The following MGST2 variants were observed in gnomAD, a reference collection of about 807,000 sequenced individuals.
MGST2 encodes microsomal glutathione S-transferase 2.
Under a neutral mutation model 16.6 loss-of-function variants are expected in MGST2, and 9 were observed. The observed-to-expected ratio is 0.54, with a 90% confidence interval of 0.33 to 0.95. The LOEUF is 0.95. Ranked by LOEUF, MGST2 falls within the 40% of genes least tolerant of loss-of-function variation. The probability of loss-of-function intolerance (pLI) is 0.03; values close to 1 mark genes in which losing one functional copy is unlikely to be tolerated. For synonymous variants in MGST2, 79 were observed against 68.0 expected (o/e 1.16, Z -0.79); for missense variants, 159 against 175.1 (o/e 0.91, Z 0.52).
chr4:139,701,626 C>T (rs1327985669), intron 3 of MGST2, among the ~76,000 whole-genome samples: 1 of 152,034 alleles, frequency 6.6e-6, no homozygotes, highest in Admixed American at 6.5e-5. Context: ...GAGCTTGTAT[C>T]TTTTTCACTG....
At chr4:139,717,037 G>A (rs948338942) in intron 5 of MGST2, 1 of 152,280 alleles carries the variant, frequency 6.6e-6, no homozygotes. Flanking sequence ...TAAACAAACA[G>A]TATATATATA....
Position 139,695,224 on chromosome 4 carries a change from A to G in MGST2, c.186A>G (p.Ile62Met). 6.2e-7 allele frequency: 1 copy of G among 1,613,336 alleles called. No individual in the cohort carries two copies. Among genetic ancestry groups the G allele is most frequent in the Non-Finnish European group, 8.5e-7 (1 of 1,179,262 alleles). Reference protein sequence around the residue: ...AQQNCVEFYPIFIITLWMAGW... With the variant: ...AQQNCVEFYPMFIITLWMAGW... Reference sequence around the variant, plus strand: ...AAAACTGTGTGGAGTTTTATCCTATATTCATAATTACATTGTGGATGGCTG... The same window carrying G: ...AAAACTGTGTGGAGTTTTATCCTATGTTCATAATTACATTGTGGATGGCTG... The change falls in exon 3 of 5, where the codon ATA (isoleucine) becomes ATG (methionine). Residue 62 changes from isoleucine to methionine, a missense_variant. Physicochemically the swap from Ile to Met is conservative, Grantham distance 10. Transcript: ENST00000265498.
chr4:139,685,984 C>T (rs1286388976), intron 2 of MGST2, among the ~76,000 whole-genome samples: 1 of 152,190 alleles, frequency 6.6e-6, no homozygotes, highest in Admixed American at 6.5e-5. Flanking sequence ...TATTCTGAGC[C>T]AAATATGAGT....
At chr4:139,705,835 G>C (rs1727499460), downstream of MGST2, 1 of 152,114 alleles carries the variant, frequency 6.6e-6, no homozygotes, top group Admixed American at 6.5e-5. Context: ...CCCCAAAGCT[G>C]TTCTGACCCT....
chr4:139,671,615 C>A (rs1730698715), intron 1 of MGST2, among the ~76,000 whole-genome samples: 1 of 151,868 alleles, frequency 6.6e-6, no homozygotes, highest in Admixed American at 6.6e-5. Flanking sequence ...TACAGGTGCG[C>A]CACCATGCCC....
intron 1 of MGST2, among the ~76,000 whole-genome samples, chr4:139,674,742 C>T (rs915395700): frequency 2.6e-5 from 4 of 152,138 alleles, no homozygotes; most frequent in African/African-American, 9.7e-5. Context: ...GATCATGCCA[C>T]TGCACTCCAG....
intron 5 of MGST2, among the ~76,000 whole-genome samples, chr4:139,732,109 G>C (rs1333620086): frequency 6.6e-6 from 1 of 152,192 alleles, no homozygotes; most frequent in Non-Finnish European, 1.5e-5. Flanking sequence ...TAAATAGCAA[G>C]AAGCAAATGT....
At chr4:139,730,662 C>G in intron 5 of MGST2, 1 of 1,611,436 alleles carries the variant, frequency 6.2e-7, no homozygotes, top group South Asian at 1.1e-5. Flanking sequence ...CAACTGGATG[C>G]TGCTCCTGGG....
At chr4:139,675,979 A>G (rs1730938443) in intron 1 of MGST2, among the ~76,000 whole-genome samples, 1 of 152,142 alleles carries the variant, frequency 6.6e-6, no homozygotes, top group African/African-American at 2.4e-5. Context: ...AAGATCAATT[A>G]TTTCTAAACT....
chr4:139,690,405 G>T (rs1033027172), intron 2 of MGST2, among the ~76,000 whole-genome samples: 1 of 152,020 alleles, frequency 6.6e-6, no homozygotes, highest in African/African-American at 2.4e-5. Flanking sequence ...CCTCCCAAAG[G>T]CCCGGGATTA....
At position 139,735,195 on chromosome 4, in the gene MGST2, C is replaced by T. The variant is rs1728886035; in HGVS notation, c.*49-5017C>T. The stretch of plus-strand genomic sequence containing the variant: ...CAATACCGAGCAGATGGTGTTCGCA[C>T]GGCGTGATGGACATCACACACGACA... On this transcript the variant is annotated intron_variant, in intron 5 of 5. Coordinates refer to the MGST2 transcript ENST00000616265. The surrounding 1 kb of genome is among the most constrained non-coding windows in gnomAD (Gnocchi z 5.8). 6.6e-6 allele frequency among the ~76,000 whole-genome samples: 1 copy of T among 152,218 alleles called. No individual in the cohort carries two copies. The highest frequency in any genetic ancestry group is 1.5e-5 in the Non-Finnish European group (1 of 68,044).
chr4:139,748,053 T>TA, the MGST2 span, among the ~76,000 whole-genome samples: 10,959 of 95,386 alleles, frequency 0.11, 591 homozygotes, highest in African/African-American at 0.18. Flanking sequence ...AGACTTCGTC[T>TA]AAAAAAAAAA....
At chr4:139,708,789 G>C (rs903417842), downstream of MGST2, among the ~76,000 whole-genome samples, 2 of 151,936 alleles carry the variant, frequency 1.3e-5, no homozygotes, top group Non-Finnish European at 2.9e-5. Context: ...GATCACCTGA[G>C]GTCAAGAGTT....
chr4:139,723,051 A>T (rs1461016333), intron 5 of MGST2, among the ~76,000 whole-genome samples: 1 of 152,258 alleles, frequency 6.6e-6, no homozygotes, highest in African/African-American at 2.4e-5. Flanking sequence ...CCAAAGGTGA[A>T]TTCTCTCTCA....
At chr4:139,725,790 G>A (rs577764584) in intron 5 of MGST2, 13 of 1,613,938 alleles carry the variant, frequency 8.1e-6, no homozygotes, top group Non-Finnish European at 1.1e-5. Context: ...TATGGATTCC[G>A]CTGTGGCTGG....
intron 5 of MGST2, among the ~76,000 whole-genome samples, chr4:139,711,546 A>G (rs1727742140): frequency 6.6e-6 from 1 of 152,078 alleles, no homozygotes; most frequent in Non-Finnish European, 1.5e-5. Flanking sequence ...GTAAACTCTC[A>G]TGGCACTGGT....
chr4:139,685,350 C>T (rs1038762128), intron 2 of MGST2: 6 of 162,634 alleles, frequency 3.7e-5, no homozygotes, highest in Non-Finnish European at 8.8e-5. Context: ...GAACACCCGC[C>T]TAGCCAGCCA....
the MGST2 span, among the ~76,000 whole-genome samples, chr4:139,746,656 A>G: frequency 1.3e-5 from 2 of 152,160 alleles, no homozygotes; most frequent in South Asian, 4.1e-4. Flanking sequence ...TAAAGGAACA[A>G]GATTCCGCAG....
chr4:139,680,708 G>T (rs1731197636), intron 2 of MGST2, among the ~76,000 whole-genome samples: 1 of 152,166 alleles, frequency 6.6e-6, no homozygotes, highest in Non-Finnish European at 1.5e-5. Context: ...ATCTGAAAAT[G>T]CACCTTTATC....
Sources: gnomAD v4.1 joint callset for allele counts (sites outside exome capture counted in the v4.1 genomes callset) on GRCh38, gnomAD v4.1.1 for gene constraint, Gnocchi (gnomAD v3.1) non-coding constraint, MANE v1.5 for transcripts, NCBI Gene and HGNC (gene_info 2026-07-23, HGNC 2026-07-21) for gene names.